ABCC4: variants seen among roughly 807,000 people sequenced by gnomAD.
The protein encoded by ABCC4 is ATP binding cassette subfamily C member 4 (PEL blood group).
A neutral mutation model predicts 168.5 loss-of-function variants in ABCC4; 102 were observed. The observed-to-expected ratio is 0.61, with a 90% CI of 0.52 to 0.71. The LOEUF (loss-of-function observed/expected upper bound fraction) is 0.71, where lower values mean the gene tolerates loss of function less well. Among genes scored for constraint, ABCC4 ranks in the 30% least tolerant of loss-of-function variants. The pLI, the probability that ABCC4 is intolerant of heterozygous loss-of-function variation, is 0.00. For missense variants in ABCC4, 1,402 were observed against 1,605.8 expected (o/e 0.87, Z 2.17); for synonymous variants, 617 against 590.7 (o/e 1.04, Z -0.65).
At chr13:95,121,614 C>T (rs2035574508) in intron 19 of ABCC4, among the ~76,000 whole-genome samples, 1 of 151,744 alleles carries the variant, frequency 6.6e-6, no homozygotes, top group African/African-American at 2.4e-5. Flanking sequence ...TGCCATGTTG[C>T]CCAGGTTGGT....
chr13:95,272,048 A>T (rs1594419360), intron 1 of ABCC4, among the ~76,000 whole-genome samples: 2 of 148,428 alleles, frequency 1.3e-5, no homozygotes, highest in African/African-American at 2.5e-5. Context: ...TTAAGCACAT[A>T]TTTTTTTTTT....
intron 19 of ABCC4, among the ~76,000 whole-genome samples, chr13:95,120,424 G>A (rs1258262564): frequency 6.6e-6 from 1 of 151,936 alleles, no homozygotes; most frequent in Non-Finnish European, 1.5e-5. Flanking sequence ...ATACTTAGGT[G>A]GGCGTGGTGG....
At chr13:95,229,734 G>A (rs1304394062) in intron 4 of ABCC4, among the ~76,000 whole-genome samples, 2 of 152,212 alleles carry the variant, frequency 1.3e-5, no homozygotes, top group Admixed American at 6.5e-5. Context: ...CTAGCATTCA[G>A]ATGTTTAGCA....
chr13:95,098,125 G>A (rs1316209658), intron 20 of ABCC4, among the ~76,000 whole-genome samples: 1 of 117,148 alleles, frequency 8.5e-6, no homozygotes, highest in African/African-American at 3.9e-5. Flanking sequence ...GACAGAGTGA[G>A]ATACTGTCTA....
At chr13:95,191,859 C>T (rs1210082234) in intron 9 of ABCC4, among the ~76,000 whole-genome samples, 1 of 152,240 alleles carries the variant, frequency 6.6e-6, no homozygotes, top group Non-Finnish European at 1.5e-5. Context: ...AGCTTCCCAT[C>T]AAGGCCCTGG....
chr13:95,184,023 G>A (rs1213286720), intron 11 of ABCC4, among the ~76,000 whole-genome samples: 1 of 152,208 alleles, frequency 6.6e-6, no homozygotes, highest in East Asian at 1.9e-4. Context: ...ATGGAACCAT[G>A]CACAGGGGGC....
intron 19 of ABCC4, among the ~76,000 whole-genome samples, chr13:95,121,139 C>A (rs1027938290): frequency 1.3e-5 from 2 of 152,142 alleles, no homozygotes; most frequent in African/African-American, 4.8e-5. Context: ...TTATCCTCCT[C>A]GGAGGCTCAG....
chr13:95,124,260 T>C (rs1451544370), intron 19 of ABCC4, among the ~76,000 whole-genome samples: 1 of 152,140 alleles, frequency 6.6e-6, no homozygotes, highest in East Asian at 1.9e-4. Context: ...AGCCAAGAGA[T>C]TGACTCGGCT....
In ABCC4 at chr13:95,090,727, C is replaced by A. The variant is rs149198418; in HGVS notation, c.2536-7437G>T. 1.7e-3 allele frequency among the ~76,000 whole-genome samples: 252 copies of A among 152,192 alleles called. 1 individual carries two copies. The highest frequency in any genetic ancestry group is 5.1e-3 in the African/African-American group (210 of 41,526). On this transcript the variant is annotated intron_variant, in intron 20 of 30. Coordinates refer to ENST00000645237, the MANE Select transcript of ABCC4 (RefSeq NM_005845.5). ...TAATGTGACAAAATAAGGCTCTTTACCAGCCTCACAAAATCACACTAGTTC... is the reference window on the plus strand; with the variant it reads ...TAATGTGACAAAATAAGGCTCTTTAACAGCCTCACAAAATCACACTAGTTC...
intron 20 of ABCC4, among the ~76,000 whole-genome samples, chr13:95,090,969 A>C (rs1474381422): frequency 1.3e-5 from 2 of 152,222 alleles, no homozygotes; most frequent in African/African-American, 4.8e-5. Flanking sequence ...ACACTTACAG[A>C]AATGCAAAAT....
chr13:95,077,951 A>T (rs1448078384), intron 21 of ABCC4, among the ~76,000 whole-genome samples: 4 of 152,130 alleles, frequency 2.6e-5, no homozygotes, highest in Non-Finnish European at 5.9e-5. Flanking sequence ...GGTATGAGAC[A>T]CTGGGGTTCT....
intron 30 of ABCC4, among the ~76,000 whole-genome samples, chr13:95,026,243 A>C (rs1358764508): frequency 6.6e-6 from 1 of 152,152 alleles, no homozygotes; most frequent in African/African-American, 2.4e-5. Context: ...TGTCTCAAAA[A>C]AGGGAAAATA....
intron 13 of ABCC4, among the ~76,000 whole-genome samples, chr13:95,173,412 C>T (rs1255264738): frequency 1.3e-5 from 2 of 152,172 alleles, no homozygotes; most frequent in African/African-American, 4.8e-5. Flanking sequence ...CCATGCCCTC[C>T]GAGGAGCAGA....
At chr13:95,110,583 C>T (rs114680752) in intron 20 of ABCC4, among the ~76,000 whole-genome samples, 111 of 152,210 alleles carry the variant, frequency 7.3e-4, no homozygotes, top group Middle Eastern at 3.4e-3. Context: ...ACAAATATTA[C>T]AGGTAGGGTA....
intron 19 of ABCC4, among the ~76,000 whole-genome samples, chr13:95,126,136 T>C (rs2035752265): frequency 6.6e-6 from 1 of 152,214 alleles, no homozygotes; most frequent in African/African-American, 2.4e-5. Context: ...TCTTGACCTC[T>C]TCTGGGAATG....
chr13:95,053,023 T>A (rs527266776), intron 27 of ABCC4, 72 bp downstream of exon 27: 2 of 1,331,628 alleles, frequency 1.5e-6, no homozygotes, highest in Non-Finnish European at 2.2e-6. Context: ...CTTAATTTCC[T>A]GCAATGCTGT....
At chr13:95,026,234 G>C (rs551894148) in intron 30 of ABCC4, among the ~76,000 whole-genome samples, 4 of 151,910 alleles carry the variant, frequency 2.6e-5, no homozygotes, top group African/African-American at 7.3e-5. Flanking sequence ...CGGAGACTCT[G>C]TCTCAAAAAA....
At chr13:95,131,849 G>GA (rs951321501) in intron 19 of ABCC4, among the ~76,000 whole-genome samples, 23 of 152,024 alleles carry the variant, frequency 1.5e-4, no homozygotes, top group African/African-American at 5.1e-4. Context: ...ATAGTTGGGG[G>GA]ATCATAAAAA....
intron 25 of ABCC4, 21 bp from the exon 26 acceptor site, chr13:95,062,880 C>A (rs1329908934): frequency 1.0e-5 from 15 of 1,476,742 alleles, no homozygotes; most frequent in Admixed American, 5.2e-5. Flanking sequence ...ATCCAGGCGG[C>A]AGGATTAAAA....
Sources: gnomAD v4.1 joint callset for allele counts (sites outside exome capture counted in the v4.1 genomes callset) on GRCh38, gnomAD v4.1.1 for gene constraint, MANE v1.5 for transcripts, NCBI Gene and HGNC (gene_info 2026-07-23, HGNC 2026-07-21) for gene names.